The following DYNC1I1 variants were observed in gnomAD, a reference collection of about 807,000 sequenced individuals.
DYNC1I1 encodes dynein cytoplasmic 1 intermediate chain 1.
A neutral mutation model predicts 86.6 loss-of-function variants in DYNC1I1; 43 were observed. That is an observed-to-expected ratio of 0.50 (90% CI 0.39 to 0.64). DYNC1I1 has a LOEUF of 0.64. DYNC1I1 is among the 30% of genes least tolerant of loss of function. The pLI, the probability that DYNC1I1 is intolerant of heterozygous loss-of-function variation, is 0.00. For synonymous variants in DYNC1I1, 262 were observed against 283.7 expected (o/e 0.92, Z 0.77); for missense variants, 604 against 788.8 (o/e 0.77, Z 2.81).
chr7:95,929,187 C>A (rs781373202), intron 6 of DYNC1I1, among the ~76,000 whole-genome samples: 6 of 152,258 alleles, frequency 3.9e-5, no homozygotes, highest in Non-Finnish European at 7.4e-5. Flanking sequence ...AATGCCCTAA[C>A]CTCCCAGGGT....
chr7:95,822,357 C>G (rs1795093774), intron 4 of DYNC1I1, among the ~76,000 whole-genome samples: 2 of 152,036 alleles, frequency 1.3e-5, no homozygotes, highest in African/African-American at 4.8e-5. Context: ...TTTGCCTATT[C>G]TTTTTTAAAA....
chr7:95,936,956 T>TCACACACACACA (rs57989893), intron 6 of DYNC1I1, among the ~76,000 whole-genome samples: 3,595 of 134,224 alleles, frequency 0.027, 77 homozygotes, highest in African/African-American at 0.054. Flanking sequence ...AGAATATGTC[T>TCACACACACACA]CACACACACA....
At chr7:96,093,319 GA>G (rs753787149) in intron 16 of DYNC1I1, among the ~76,000 whole-genome samples, 3 of 152,148 alleles carry the variant, frequency 2.0e-5, no homozygotes, top group Non-Finnish European at 4.4e-5. Flanking sequence ...GAGGCAGTGA[GA>G]GGGTAAGTGC....
intron 5 of DYNC1I1, among the ~76,000 whole-genome samples, chr7:95,861,466 T>C (rs1789875781): frequency 6.6e-6 from 1 of 152,192 alleles, no homozygotes; most frequent in South Asian, 2.1e-4. Context: ...TAATATTCTC[T>C]GATATGCGCC....
chr7:95,804,609 G>T, intron 1 of DYNC1I1, 112 bp from the exon 2 acceptor site: 1 of 1,194,946 alleles, frequency 8.4e-7, no homozygotes, highest in Non-Finnish European at 1.1e-6. Flanking sequence ...ACCTCTTGTT[G>T]ATCATCCAAA....
intron 16 of DYNC1I1, among the ~76,000 whole-genome samples, chr7:96,089,604 G>A (rs1374398785): frequency 1.3e-5 from 2 of 152,088 alleles, no homozygotes; most frequent in African/African-American, 4.8e-5. Flanking sequence ...GCTTTTAAAA[G>A]TGAGCAGTTG....
intron 6 of DYNC1I1, among the ~76,000 whole-genome samples, chr7:95,933,731 TA>T (rs1397342888): frequency 6.6e-6 from 1 of 152,050 alleles, no homozygotes; most frequent in African/African-American, 2.4e-5. Flanking sequence ...AAACTTCACA[TA>T]AAATTATGTA....
At chr7:96,023,669 CT>C (rs1794607720) in intron 10 of DYNC1I1, among the ~76,000 whole-genome samples, 1 of 152,122 alleles carries the variant, frequency 6.6e-6, no homozygotes, top group Non-Finnish European at 1.5e-5. Context: ...AAACTGACTT[CT>C]CTTTAAATAG....
At chr7:95,899,891 A>G (rs940589820) in intron 6 of DYNC1I1, among the ~76,000 whole-genome samples, 1 of 152,126 alleles carries the variant, frequency 6.6e-6, no homozygotes, top group Admixed American at 6.5e-5. Flanking sequence ...CTCTGTATGT[A>G]TCTCTTTTGC....
chr7:96,068,558 C>G (rs1318095627), intron 14 of DYNC1I1, among the ~76,000 whole-genome samples: 1 of 152,054 alleles, frequency 6.6e-6, no homozygotes, highest in African/African-American at 2.4e-5. Flanking sequence ...TTTTATTAGA[C>G]ATGTTTGATA....
intron 10 of DYNC1I1, among the ~76,000 whole-genome samples, chr7:96,013,527 C>T (rs926971597): frequency 5.3e-5 from 8 of 152,170 alleles, no homozygotes; most frequent in Non-Finnish European, 8.8e-5. Flanking sequence ...GGCATGATCT[C>T]AGCTCACTGA....
intron 6 of DYNC1I1, among the ~76,000 whole-genome samples, chr7:95,963,623 C>T (rs1217634794): frequency 6.6e-6 from 1 of 152,164 alleles, no homozygotes; most frequent in Non-Finnish European, 1.5e-5. Context: ...CATTCTCACA[C>T]TCACACTGAG....
intron 6 of DYNC1I1, among the ~76,000 whole-genome samples, chr7:95,926,357 CAGCT>C (rs1234682486): frequency 6.6e-6 from 1 of 151,914 alleles, no homozygotes; most frequent in East Asian, 1.9e-4. Flanking sequence ...TTTTAAATGA[CAGCT>C]TATAATATAT....
intron 9 of DYNC1I1, among the ~76,000 whole-genome samples, chr7:95,992,636 T>C (rs1793759338): frequency 6.6e-6 from 1 of 152,104 alleles, no homozygotes; most frequent in African/African-American, 2.4e-5. Context: ...GTTCTTTTTT[T>C]TTTGACGGAG....
intron 9 of DYNC1I1, among the ~76,000 whole-genome samples, chr7:95,989,016 G>C (rs1371139734): frequency 6.6e-6 from 1 of 152,158 alleles, no homozygotes; most frequent in African/African-American, 2.4e-5. Flanking sequence ...CTCTCACAAA[G>C]AGCTTCTGGA....
At chr7:96,076,733 G>C (rs1054854167) in intron 15 of DYNC1I1, among the ~76,000 whole-genome samples, 1 of 152,088 alleles carries the variant, frequency 6.6e-6, no homozygotes, top group African/African-American at 2.4e-5. Flanking sequence ...ATCAAATTCA[G>C]AGGCAGACTT....
chr7:96,092,711 C>T (rs1400247606), intron 16 of DYNC1I1, among the ~76,000 whole-genome samples: 1 of 152,034 alleles, frequency 6.6e-6, no homozygotes, highest in Non-Finnish European at 1.5e-5. Context: ...TGACATGGTC[C>T]GAGAAGTAGT....
intron 5 of DYNC1I1, among the ~76,000 whole-genome samples, chr7:95,848,308 G>A (rs1789489646): frequency 6.8e-6 from 1 of 148,130 alleles, no homozygotes; most frequent in South Asian, 2.2e-4. Flanking sequence ...TAGTCATCAT[G>A]TTATACAATA....
At chr7:95,884,997 T>A (rs543508592) in intron 6 of DYNC1I1, among the ~76,000 whole-genome samples, 1 of 152,344 alleles carries the variant, frequency 6.6e-6, no homozygotes, top group African/African-American at 2.4e-5. Context: ...GCATTTTAAC[T>A]TAAAAATTAC....
Sources: allele counts gnomAD v4.1 joint callset (sites outside exome capture counted in the v4.1 genomes callset), GRCh38; gene constraint gnomAD v4.1.1; transcripts MANE v1.5; gene names NCBI Gene and HGNC (gene_info 2026-07-23, HGNC 2026-07-21).